Variants in TRPV3 observed in about 807,000 individuals in gnomAD.
The protein encoded by TRPV3 is transient receptor potential cation channel subfamily V member 3.
In TRPV3, 88 loss-of-function variants were observed where a neutral mutation model predicts 87.1. The observed-to-expected ratio is 1.01, with a 90% CI of 0.85 to 1.21. The LOEUF (loss-of-function observed/expected upper bound fraction) is 1.21, where lower values mean the gene tolerates loss of function less well. TRPV3 is among the 50% of genes most tolerant of loss of function. The pLI is 0.00. For synonymous variants in TRPV3, 438 were observed against 423.3 expected, an observed-to-expected ratio of 1.03 and a Z score of -0.43; for missense variants, 1,054 against 1,030.1, an observed-to-expected ratio of 1.02 and a Z score of -0.32.
intron 7 of TRPV3, among the ~76,000 whole-genome samples, chr17:3,534,643 A>AT (rs36088640): frequency 0.081 from 11,971 of 146,898 alleles, 1,187 homozygotes; most frequent in African/African-American, 0.23. Flanking sequence ...ATGCATTTCA[A>AT]TTTTTTTTTT....
At chr17:3,516,974 G>T (rs9896629) in intron 15 of TRPV3, among the ~76,000 whole-genome samples, 91 of 152,056 alleles carry the variant, frequency 6.0e-4, no homozygotes, top group Admixed American at 1.4e-3. Context: ...GGCAAAAGCC[G>T]GTCTCTACTA....
At position 3,556,721 on chromosome 17, in the gene TRPV3, G is replaced by A. The variant is rs1049117397; in HGVS notation, c.-3+955C>T. On this transcript the variant is annotated intron_variant, in intron 1 of 17. Coordinates refer to ENST00000576742, the MANE Select transcript of TRPV3 (RefSeq NM_145068.4). The surrounding 1 kb of genome is among the most constrained non-coding windows in gnomAD (Gnocchi z 4.2). ...GGGAGAGCTTTGGCCCTGGAGCGTA[G>A]GCAACCTTGAGGCCAGGCAGGTGGA... Among the ~76,000 whole-genome samples the A allele has an allele frequency of 6.6e-6, 1 of 152,166 alleles. No individual in the cohort carries two copies. Among genetic ancestry groups the A allele is most frequent in the Admixed American group, 6.5e-5 (1 of 15,288 alleles).
intron 9 of TRPV3, 141 bp downstream of exon 9, chr17:3,529,886 C>T: frequency 1.1e-6 from 1 of 880,082 alleles, no homozygotes; most frequent in Non-Finnish European, 1.6e-6. Context: ...CCTGACTCTG[C>T]TCACTGAGGC....
rs750908123 is a variant in TRPV3 at position 3,530,029 on chromosome 17, C to T, written c.1240G>A (p.Asp414Asn). 1.9e-6 allele frequency: 3 copies of T among 1,611,428 alleles called. No individual in the cohort carries two copies. Among genetic ancestry groups the T allele is most frequent in the Middle Eastern group, 1.7e-4 (1 of 6,044 alleles). Residue 414 changes from aspartate (D) to asparagine (N), a missense_variant and splice_region_variant, in exon 9 of 18, where the codon GAC becomes AAC. Asp to Asn is a conservative substitution (Grantham distance 23). Transcript: ENST00000576742. The surrounding 1 kb of genome is among the most constrained non-coding windows in gnomAD (Gnocchi z 4.0). ...CCCCGCCTGTGCAGGAGACCCACGT[C>T]GATGTTGGTGTTGTAGACAGTGATT... ...LEITVYNTNI[D>N]NRHEMLTLEP... is the part of the protein sequence containing the mutation.
chr17:3,542,461 G>T, intron 6 of TRPV3, 61 bp downstream of exon 6: 1 of 1,563,198 alleles, frequency 6.4e-7, no homozygotes, highest in African/African-American at 1.3e-5. Context: ...CAGTGGCCCT[G>T]TGGCCCCATA....
At chr17:3,551,685 C>A (rs1031480106) in intron 2 of TRPV3, among the ~76,000 whole-genome samples, 2 of 151,994 alleles carry the variant, frequency 1.3e-5, no homozygotes, top group Non-Finnish European at 1.5e-5. Context: ...TGGGCATCAC[C>A]TTTTCCAGGG....
intron 6 of TRPV3, among the ~76,000 whole-genome samples, chr17:3,536,798 A>G (rs561170473): frequency 6.6e-6 from 1 of 152,202 alleles, no homozygotes; most frequent in Non-Finnish European, 1.5e-5. Flanking sequence ...AGCAAGAGGA[A>G]AGAAGGGTAG....
Position 3,543,546 on chromosome 17 carries a change from C to A in TRPV3, c.394G>T (p.Val132Leu). 3 of 1,614,096 alleles carry A rather than the reference C, an allele frequency of 1.9e-6. No individual in the cohort carries two copies. Among genetic ancestry groups the A allele is most frequent in the Non-Finnish European group, 2.5e-6 (3 of 1,180,042 alleles). Residue 132 changes from valine to leucine, a missense_variant, in exon 5 of 18, where the codon GTG (valine) becomes TTG (leucine). Physicochemically the swap from Val to Leu is conservative, Grantham distance 32 (BLOSUM62 1). Coordinates refer to ENST00000576742, the MANE Select transcript of TRPV3 (RefSeq NM_145068.4). ...RIFAAVSEGC[V>L]EELVELLVEL... ...ACCAGCAACTCTACCAACTCCTCCA[C>A]GCAGCCCTCAGACACGGCTGCAAAG...
rs116535534 is a variant in TRPV3 at position 3,530,164 on chromosome 17, G to A, written c.1105C>T (p.Arg369Trp). Reference protein sequence around the residue: ...YILSREIKEKRLRSLSRKFTD... With the variant: ...YILSREIKEKWLRSLSRKFTD... ...AACTTCCTGGACAGGCTCCGGAGCC[G>A]CTTCTCCTTGATCTCACGACTGAGG... The change falls in exon 9 of 18, where the codon CGG becomes TGG. Residue 369 changes from arginine to tryptophan, a missense_variant. Transcript: ENST00000576742. This position sits in a 1 kb window ranked among gnomAD's most constrained non-coding sequence, Gnocchi z 4.0. 5,501 of 1,613,728 alleles carry A rather than the reference G, an allele frequency of 3.4e-3. 13 individuals carry two copies. The highest frequency in any genetic ancestry group is 8.2e-3 in the Middle Eastern group (50 of 6,062).
intron 12 of TRPV3, 149 bp from the exon 13 acceptor site, chr17:3,524,512 C>T: frequency 1.0e-6 from 1 of 972,812 alleles, no homozygotes; most frequent in Non-Finnish European, 1.5e-6. Flanking sequence ...GCCTCAGATC[C>T]ATTTGGCTAC....
intron 6 of TRPV3, among the ~76,000 whole-genome samples, chr17:3,537,823 T>G (rs545321825): frequency 3.4e-5 from 5 of 147,212 alleles, no homozygotes; most frequent in African/African-American, 7.5e-5. Flanking sequence ...GGAGAATCAC[T>G]TGAACTCAGG....
intron 7 of TRPV3, among the ~76,000 whole-genome samples, 169 bp from the exon 8 acceptor site, chr17:3,533,106 G>C (rs1042937519): frequency 6.6e-6 from 1 of 152,208 alleles, no homozygotes; most frequent in Non-Finnish European, 1.5e-5. Context: ...AGATCACTGC[G>C]GTAGCCTCCT....
At position 3,512,322 on chromosome 17, in the gene TRPV3, GC is replaced by G. The variant is rs1333196173; in HGVS notation, c.*1594del. 1 of 13,522 alleles carries G rather than the reference GC, an allele frequency of 7.4e-5. No individual in the cohort carries two copies. The highest frequency in any genetic ancestry group is 5.0e-3 in the Non-Finnish European group (1 of 202). The allele number at this position is 13,522 out of a possible 1,614,324, so 0.8% of individuals were successfully genotyped here. A position where few individuals can be genotyped will look rare whatever the true frequency, so the allele number is the denominator to read the frequency against. ...GGCAGGGGCTGCTGTGGATTGTGAA[GC>G]CTCACACACCCCAGCCCACCTCTCC... is the stretch of plus-strand genomic sequence containing the variant. On this transcript the variant is annotated 3_prime_UTR_variant, in exon 18 of 18. Coordinates refer to ENST00000576742, the MANE Select transcript of TRPV3 (RefSeq NM_145068.4).
intron 17 of TRPV3, chr17:3,514,371 G>A (rs533409932): frequency 4.6e-5 from 26 of 571,042 alleles, no homozygotes; most frequent in South Asian, 3.6e-4. Context: ...GAGCCACCGC[G>A]CCCGGCCTGC....
Position 3,518,583 on chromosome 17 carries a change from C to A in TRPV3, c.2078G>T (p.Arg693Leu), listed in dbSNP as rs201062148. 1.9e-6 allele frequency: 3 copies of A among 1,553,692 alleles called. No homozygotes were observed. Among genetic ancestry groups the A allele is most frequent in the Non-Finnish European group, 2.6e-6 (3 of 1,147,924 alleles). Residue 693 changes from arginine (R) to leucine (L), a missense_variant, in exon 15 of 18, where the codon CGC becomes CTC. Transcript: ENST00000576742. This position sits in a 1 kb window ranked among gnomAD's most constrained non-coding sequence, Gnocchi z 4.3. The stretch of plus-strand genomic sequence containing the variant: ...GTCTCCACCTAGGCTCACCTGCAGG[C>A]GCCAGATGCGTTCGCTCTCCTTGGA... Reference protein sequence around the residue: ...NVSKESERIWRLQRARTILEF... With the variant: ...NVSKESERIWLLQRARTILEF...
Position 3,514,648 on chromosome 17 carries a change from T to C in TRPV3, c.2223A>G (p.Glu741=). The part of the protein sequence containing the change: ...CLRINEVKWT[E]WKTHVSFLNE... Reference sequence around the variant, plus strand: ...TAAGGAAGGAGACGTGCGTCTTCCATTCAGTCCACTTCACCTCATTGATCC... The same window carrying C: ...TAAGGAAGGAGACGTGCGTCTTCCACTCAGTCCACTTCACCTCATTGATCC... Residue 741 remains glutamate (E), a synonymous_variant, in exon 17 of 18, where the codon GAA becomes GAG. Coordinates refer to ENST00000576742, the MANE Select transcript of TRPV3 (RefSeq NM_145068.4). 4.3e-6 allele frequency: 7 copies of C among 1,613,980 alleles called. No individual in the cohort carries two copies. Among genetic ancestry groups the C allele is most frequent in the Non-Finnish European group, 5.9e-6 (7 of 1,179,846 alleles).
intron 12 of TRPV3, among the ~76,000 whole-genome samples, chr17:3,525,788 A>AT (rs1213993998): frequency 6.6e-6 from 1 of 151,886 alleles, no homozygotes; most frequent in African/African-American, 2.4e-5. Flanking sequence ...CACAAGGCTA[A>AT]TTTTTGTATT....
chr17:3,528,751 C>G lies in TRPV3; in HGVS notation c.1401+86G>C. 6.5e-7 allele frequency: 1 copy of G among 1,534,354 alleles called. No homozygotes were observed. The highest frequency in any genetic ancestry group is 1.2e-5 in the South Asian group (1 of 83,236). ...GCCCAATCTCCTGGTCTCTCTGGGC[C>G]TCAGTTTTCCCACCTGCACGTGGGG... On this transcript the variant is annotated intron_variant, in intron 10 of 17. Transcript: ENST00000576742. This position sits in a 1 kb window ranked among gnomAD's most constrained non-coding sequence, Gnocchi z 4.2.
chr17:3,557,357 C>T lies in TRPV3; in HGVS notation c.-3+319G>A, dbSNP rs1309661107. Among the ~76,000 whole-genome samples the T allele has an allele frequency of 1.3e-5, 2 of 152,294 alleles. No individual in the cohort carries two copies. The highest frequency in any genetic ancestry group is 4.1e-4 in the South Asian group (2 of 4,822). ...GAAAGCCACCTCCCTGGGTCAGCCT[C>T]GGGAGGCAGGAGCCTCTCCTCTGCC... On this transcript the variant is annotated intron_variant, in intron 1 of 17. Coordinates refer to ENST00000576742, the MANE Select transcript of TRPV3 (RefSeq NM_145068.4). The surrounding 1 kb of genome is among the most constrained non-coding windows in gnomAD (Gnocchi z 4.5).
Sources: gnomAD v4.1 joint callset for allele counts (sites outside exome capture counted in the v4.1 genomes callset) on GRCh38, gnomAD v4.1.1 for gene constraint, Gnocchi (gnomAD v3.1) non-coding constraint, MANE v1.5 for transcripts, NCBI Gene and HGNC (gene_info 2026-07-23, HGNC 2026-07-21) for gene names.